Variants in MICAL2 observed in about 807,000 individuals in gnomAD.
The protein encoded by MICAL2 is microtubule associated monooxygenase, calponin and LIM domain containing 2, also known as [F-actin]-monooxygenase MICAL2.
Under a neutral mutation model 127.3 loss-of-function variants are expected in MICAL2, and 77 were observed. The observed-to-expected ratio is 0.60, with a 90% CI of 0.50 to 0.73. The LOEUF is 0.73. Among genes scored for constraint, MICAL2 ranks in the 30% least tolerant of loss-of-function variants. The pLI is 0.00. For synonymous variants in MICAL2, 570 were observed against 551.1 expected, an observed-to-expected ratio of 1.03 and a Z score of -0.48; for missense variants, 1,351 against 1,434.4, an observed-to-expected ratio of 0.94 and a Z score of 0.94.
chr11:12,266,136 G>A (rs1863608290), downstream of MICAL2, among the ~76,000 whole-genome samples: 1 of 152,040 alleles, frequency 6.6e-6, no homozygotes. Context: ...AAAAATTATA[G>A]TGCATCTACT....
At position 12,213,440 on chromosome 11, in the gene MICAL2, C is replaced by A. The variant is rs138731489; in HGVS notation, c.847+30C>A. ...GACCTTCACCTTTCTCCCAACCAGG[C>A]CAAGGTCTAAAGTTTGCAGTTTCTA... is the stretch of plus-strand genomic sequence containing the variant. On this transcript the variant is annotated intron_variant, in intron 7 of 27. Transcript: ENST00000683283. The A allele has an allele frequency of 1.9e-4, 312 of 1,605,406 alleles. 1 individual carries two copies. In the African/African-American group the frequency reaches 3.7e-3, roughly 19 times the overall value.
chr11:12,154,762 C>A (rs1853978001), intron 2 of MICAL2, among the ~76,000 whole-genome samples: 2 of 152,288 alleles, frequency 1.3e-5, no homozygotes, highest in African/African-American at 4.8e-5. Context: ...TAAGACCATG[C>A]CTCATTTGAT....
chr11:12,262,352 T>C, intron 26 of MICAL2, 128 bp from the exon 27 acceptor site: 1 of 1,540,750 alleles, frequency 6.5e-7, no homozygotes, highest in Admixed American at 1.9e-5. Context: ...GAAGTTTCCC[T>C]CTTTCAATCG....
At chr11:12,170,860 G>A (rs1481584099) in intron 3 of MICAL2, among the ~76,000 whole-genome samples, 1 of 152,194 alleles carries the variant, frequency 6.6e-6, no homozygotes, top group African/African-American at 2.4e-5. Flanking sequence ...AGGACAGGGA[G>A]CATGCCTGGT....
chr11:12,270,219 A>G (rs1315481054), intron 24 of MICAL2, among the ~76,000 whole-genome samples: 1 of 152,058 alleles, frequency 6.6e-6, no homozygotes, highest in East Asian at 1.9e-4. Flanking sequence ...CTCTTATAAG[A>G]GGGCAGGGAG....
intron 16 of MICAL2, among the ~76,000 whole-genome samples, chr11:12,238,660 GAA>G (rs1399930907): frequency 9.5e-5 from 8 of 84,368 alleles, no homozygotes; most frequent in Non-Finnish European, 2.8e-4. Context: ...TCCTGGGACA[GAA>G]AAAAGATATT....
At chr11:12,168,959 A>AAAAAAG (rs1554964629) in intron 3 of MICAL2, among the ~76,000 whole-genome samples, 16 of 19,742 alleles carry the variant, frequency 8.1e-4, no homozygotes, top group Admixed American at 1.4e-3. Flanking sequence ...AAAAAAAAAA[A>AAAAAAG]AAAAGAAAAG....
chr11:12,260,281 A>G lies in MICAL2; in HGVS notation c.3334+384A>G, dbSNP rs546554712. The stretch of plus-strand genomic sequence containing the variant: ...CAGGAAGCCTAGCATTCTCTAAGCA[A>G]TTAGCTCAAAGCCAAAGAATTTCAC... On this transcript the variant is annotated intron_variant, in intron 26 of 27. Coordinates refer to ENST00000683283, the MANE Select transcript of MICAL2 (RefSeq NM_001282663.2). 16 of 1,429,932 alleles carry G rather than the reference A, an allele frequency of 1.1e-5. No homozygotes were observed. In the East Asian group the frequency reaches 1.3e-4, roughly 11 times the overall value. 88.6% of individuals were successfully genotyped at this position (1,429,932 alleles called of 1,614,324 possible). A position where few individuals can be genotyped will look rare whatever the true frequency, so the allele number is the denominator to read the frequency against.
chr11:12,287,014 T>G (rs1378352224), intron 2 of MICAL2: 1 of 398,610 alleles, frequency 2.5e-6, no homozygotes, highest in Admixed American at 4.4e-5. Flanking sequence ...AGGAGATAAA[T>G]TCCTACTTAC....
At chr11:12,301,942 G>T (rs746255280) in intron 29 of MICAL2, among the ~76,000 whole-genome samples, 9 of 152,186 alleles carry the variant, frequency 5.9e-5, no homozygotes, top group Non-Finnish European at 8.8e-5. Context: ...GATTCATGTT[G>T]TAAGCTCTTT....
chr11:12,160,151 G>A (rs1854613103), intron 2 of MICAL2, among the ~76,000 whole-genome samples: 1 of 152,022 alleles, frequency 6.6e-6, no homozygotes, highest in African/African-American at 2.4e-5. Context: ...CTACAAAGTT[G>A]CAGGGATCCT....
intron 2 of MICAL2, chr11:12,287,009 A>T (rs980335626): frequency 3.3e-5 from 13 of 398,626 alleles, no homozygotes; most frequent in Non-Finnish European, 5.3e-5. Context: ...GCTATAGGAG[A>T]TAAATTCCTA....
intron 2 of MICAL2, among the ~76,000 whole-genome samples, chr11:12,145,919 A>G (rs1852852697): frequency 6.6e-6 from 1 of 152,254 alleles, no homozygotes; most frequent in African/African-American, 2.4e-5. Context: ...ATTAATGACA[A>G]TATAAACAAC....
At chr11:12,356,140 T>A (rs570081815) in intron 34 of MICAL2, among the ~76,000 whole-genome samples, 27 of 152,258 alleles carry the variant, frequency 1.8e-4, no homozygotes, top group African/African-American at 6.5e-4. Context: ...TGATTCTTTT[T>A]AAAAAAATTC....
chr11:12,327,188 CTGGAGGAGG>C (rs1864362345), exon 32 of MICAL2: 1 of 1,551,630 alleles, frequency 6.4e-7, no homozygotes, highest in African/African-American at 1.4e-5. Context: ...CCAGAGGCAG[CTGGAGGAGG>C]TGGAGGAGCG....
chr11:12,285,729 G>T (rs1359887815), intron 2 of MICAL2, among the ~76,000 whole-genome samples: 1 of 152,230 alleles, frequency 6.6e-6, no homozygotes, highest in African/African-American at 2.4e-5. Context: ...CAGCCTGGCT[G>T]CTAAGAAAGA....
At chr11:12,353,428 A>G (rs143981745) in intron 33 of MICAL2, among the ~76,000 whole-genome samples, 83 of 152,220 alleles carry the variant, frequency 5.5e-4, no homozygotes, top group African/African-American at 2.0e-3. Flanking sequence ...TGGCTTCTAA[A>G]TGTAGGTATT....
Position 12,138,394 on chromosome 11 carries a change from A to G in MICAL2, c.-144A>G, listed in dbSNP as rs1313022035. ...GTTGGGCTCTTGTTTTTAAAGGAAC[A>G]TGGCAACCCGTGTGTGTCTCATCCC... On this transcript the variant is annotated 5_prime_UTR_variant, in exon 2 of 28. The change abolishes an upstream ATG in the 5' untranslated region. Transcript: ENST00000683283. 1 of 152,262 alleles carries G rather than the reference A, an allele frequency of 6.6e-6. No individual in the cohort carries two copies. Among genetic ancestry groups the G allele is most frequent in the African/African-American group, 2.4e-5 (1 of 41,466 alleles). 9.4% of individuals were successfully genotyped at this position (152,262 alleles called of 1,614,324 possible).
chr11:12,280,375 C>G (rs902997995), intron 1 of MICAL2, among the ~76,000 whole-genome samples: 5 of 152,186 alleles, frequency 3.3e-5, no homozygotes, highest in African/African-American at 1.2e-4. Flanking sequence ...CTGAGCCAAG[C>G]CTGTATTGTT....
Sources: gnomAD v4.1 joint callset for allele counts (sites outside exome capture counted in the v4.1 genomes callset) on GRCh38, gnomAD v4.1.1 for gene constraint, MANE v1.5 for transcripts, NCBI Gene and HGNC (gene_info 2026-07-23, HGNC 2026-07-21) for gene names.